ENTREP2: variants seen among roughly 807,000 people sequenced by gnomAD.
ENTREP2 encodes the protein endosomal transmembrane epsin interactor 2, also known as protein ENTREP2.
chr15:29,179,860 C>T, the ENTREP2 span, among the ~76,000 whole-genome samples: 1 of 152,166 alleles, frequency 6.6e-6, no homozygotes, highest in African/African-American at 2.4e-5. Flanking sequence ...GCTGCGATTA[C>T]AGGCGTGAGC....
chr15:29,269,764 G>T, the ENTREP2 span: 1 of 1,394,264 alleles, frequency 7.2e-7, no homozygotes, highest in Non-Finnish European at 9.3e-7. Flanking sequence ...GGCGGGGATT[G>T]CGGGTCGGCG....
At chr15:29,351,709 T>C in the ENTREP2 span, among the ~76,000 whole-genome samples, 2 of 152,152 alleles carry the variant, frequency 1.3e-5, no homozygotes, top group Non-Finnish European at 2.9e-5. Flanking sequence ...GTCATTGCAA[T>C]CATAGCTCAC....
chr15:29,213,409 C>A, the ENTREP2 span, among the ~76,000 whole-genome samples: 1 of 152,128 alleles, frequency 6.6e-6, no homozygotes, highest in African/African-American at 2.4e-5. Flanking sequence ...GATATTGATT[C>A]TTCTTATCCA....
chr15:29,571,577 C>T, the ENTREP2 span, among the ~76,000 whole-genome samples: 1 of 152,178 alleles, frequency 6.6e-6, no homozygotes, highest in Non-Finnish European at 1.5e-5. Flanking sequence ...AGGACACACA[C>T]GATGTCCCTT....
the ENTREP2 span, among the ~76,000 whole-genome samples, chr15:29,464,440 GA>G: frequency 6.6e-6 from 1 of 152,272 alleles, no homozygotes; most frequent in East Asian, 1.9e-4. Context: ...TTTAAAACAT[GA>G]TGGAGAGTGG....
the ENTREP2 span, among the ~76,000 whole-genome samples, chr15:29,344,730 G>T: frequency 6.6e-6 from 1 of 152,042 alleles, no homozygotes; most frequent in Non-Finnish European, 1.5e-5. Context: ...TTCGGTCCTG[G>T]GACAGACAGC....
chr15:29,361,701 T>G, the ENTREP2 span, among the ~76,000 whole-genome samples: 1 of 152,154 alleles, frequency 6.6e-6, no homozygotes, highest in Non-Finnish European at 1.5e-5. Flanking sequence ...ACGACCACTC[T>G]GTGCTCACGG....
chr15:29,582,340 T>C, the ENTREP2 span, among the ~76,000 whole-genome samples: 1 of 151,780 alleles, frequency 6.6e-6, no homozygotes, highest in African/African-American at 2.4e-5. Flanking sequence ...GACTTACATG[T>C]AAAACAGAAA....
the ENTREP2 span, among the ~76,000 whole-genome samples, chr15:29,505,660 A>G: frequency 6.6e-6 from 1 of 152,224 alleles, no homozygotes; most frequent in South Asian, 2.1e-4. This position sits in a 1 kb window ranked among gnomAD's most constrained non-coding sequence, Gnocchi z 4.3. Flanking sequence ...CCTGAAGATG[A>G]GGGGCCTGAT....
chr15:29,592,583 G>A, the ENTREP2 span, among the ~76,000 whole-genome samples: 1 of 152,178 alleles, frequency 6.6e-6, no homozygotes, highest in East Asian at 1.9e-4. Flanking sequence ...GTTCCCACCT[G>A]TTAACACTGT....
chr15:29,459,476 T>A, the ENTREP2 span, among the ~76,000 whole-genome samples: 2 of 152,212 alleles, frequency 1.3e-5, no homozygotes, highest in African/African-American at 4.8e-5. Context: ...TCACCCTTAC[T>A]GTAAGAGGTC....
the ENTREP2 span, among the ~76,000 whole-genome samples, chr15:29,659,163 A>G: frequency 1.3e-3 from 197 of 152,284 alleles, no homozygotes; most frequent in African/African-American, 4.6e-3. Context: ...GGTGGTCCTT[A>G]TCATTCCTTT....
the ENTREP2 span, among the ~76,000 whole-genome samples, chr15:29,391,227 C>G: frequency 1.1e-4 from 16 of 151,900 alleles, no homozygotes; most frequent in African/African-American, 3.1e-4. Context: ...ATGCTTTCTG[C>G]CCCCTCTCCT....
chr15:29,183,743 T>G, the ENTREP2 span, among the ~76,000 whole-genome samples: 1 of 152,154 alleles, frequency 6.6e-6, no homozygotes, highest in African/African-American at 2.4e-5. Context: ...TGCAGGGGAA[T>G]GAAAAATTCC....
At chr15:29,666,412 C>T in the ENTREP2 span, among the ~76,000 whole-genome samples, 74 of 152,006 alleles carry the variant, frequency 4.9e-4, no homozygotes, top group African/African-American at 1.6e-3. Context: ...CACCTCCCCC[C>T]ACTCACCCCC....
chr15:29,597,659 T>C, the ENTREP2 span, among the ~76,000 whole-genome samples: 18 of 152,212 alleles, frequency 1.2e-4, no homozygotes, highest in Non-Finnish European at 2.1e-4. Flanking sequence ...GAATGTACCA[T>C]AGTTTGTTCA....
At chr15:29,284,556 C>CA in the ENTREP2 span, among the ~76,000 whole-genome samples, 12,259 of 124,698 alleles carry the variant, frequency 0.098, 511 homozygotes, top group East Asian at 0.19. Flanking sequence ...GACTCCATCT[C>CA]AAAAAAAAAA....
chr15:29,302,400 G>A, the ENTREP2 span, among the ~76,000 whole-genome samples: 1 of 152,162 alleles, frequency 6.6e-6, no homozygotes. Flanking sequence ...AGGAGGTATA[G>A]AGTCCCATGT....
At chr15:29,589,598 A>G in the ENTREP2 span, among the ~76,000 whole-genome samples, 13 of 152,216 alleles carry the variant, frequency 8.5e-5, no homozygotes, top group Non-Finnish European at 1.0e-4. Context: ...GGCCATGAAC[A>G]CCGCATTCAG....
Sources: allele counts gnomAD v4.1 joint callset (sites outside exome capture counted in the v4.1 genomes callset), GRCh38; gene constraint gnomAD v4.1.1; non-coding constraint Gnocchi (gnomAD v3.1); transcripts MANE v1.5; gene names NCBI Gene and HGNC (gene_info 2026-07-23, HGNC 2026-07-21).